The following MECOM variants were observed in gnomAD, a reference collection of about 807,000 sequenced individuals.
MECOM encodes the protein histone-lysine N-methyltransferase MECOM.
MECOM carries 13 observed loss-of-function variants against 116.3 expected under a neutral mutation model. That is an observed-to-expected ratio of 0.11 (90% CI 0.07 to 0.18). The LOEUF (loss-of-function observed/expected upper bound fraction) is 0.18. MECOM is among the 10% of genes least tolerant of loss of function. The pLI is 1.00. For missense variants in MECOM, 1,299 were observed against 1,509.0 expected, an observed-to-expected ratio of 0.86 and a Z score of 2.31; for synonymous variants, 528 against 535.2, an observed-to-expected ratio of 0.99 and a Z score of 0.19.
At chr3:169,652,865 A>T (rs972671547) in intron 1 of MECOM, among the ~76,000 whole-genome samples, 1 of 152,140 alleles carries the variant, frequency 6.6e-6, no homozygotes, top group Non-Finnish European at 1.5e-5. Context: ...TTTAGGTAAA[A>T]ACTTGGCTTC....
chr3:169,313,257 G>A lies in MECOM; in HGVS notation c.375+67930C>T, dbSNP rs144901473. ...ATGGCCCTAAAAAGAGAATCTCTTT[G>A]ATGATGTGAGATGAGGTTGGGAAAA... On this transcript the variant is annotated intron_variant, in intron 2 of 16. Coordinates refer to ENST00000651503, the MANE Select transcript of MECOM (RefSeq NM_004991.4). Among the ~76,000 whole-genome samples the A allele has an allele frequency of 1.0e-3, 154 of 152,302 alleles. 3 individuals carry two copies. In the East Asian group the frequency reaches 0.016, roughly 15 times the overall value.
At chr3:169,186,050 G>C (rs1465258948) in intron 2 of MECOM, among the ~76,000 whole-genome samples, 1 of 152,032 alleles carries the variant, frequency 6.6e-6, no homozygotes, top group Non-Finnish European at 1.5e-5. Context: ...GACTCCCTCT[G>C]GACTTGGTTG....
At chr3:169,584,348 G>A (rs1252698868) in intron 1 of MECOM, among the ~76,000 whole-genome samples, 14 of 151,620 alleles carry the variant, frequency 9.2e-5, no homozygotes, top group African/African-American at 3.1e-4. Context: ...GGCGGATCAC[G>A]AGGTCTGGAG....
chr3:169,519,087 T>G lies in MECOM; in HGVS notation c.38-137563A>C, dbSNP rs571413160. Among the ~76,000 whole-genome samples, 69 of 152,356 alleles carry G rather than the reference T, an allele frequency of 4.5e-4. 1 individual carries two copies. The highest frequency in any genetic ancestry group is 1.7e-3 in the African/African-American group (69 of 41,590). ...ACCAGAGTAACAATTACTTGACTTT[T>G]CTGTTTCCTTTCTACAACAAATTTT... is the stretch of plus-strand genomic sequence containing the variant. On this transcript the variant is annotated intron_variant, in intron 1 of 16. Coordinates refer to ENST00000651503, the MANE Select transcript of MECOM (RefSeq NM_004991.4).
chr3:169,122,763 A>G, intron 5 of MECOM, 36 bp from the exon 6 acceptor site: 1 of 1,605,738 alleles, frequency 6.2e-7, no homozygotes. Context: ...AAGACAAAGG[A>G]TGCATTCATA....
intron 1 of MECOM, among the ~76,000 whole-genome samples, chr3:169,392,157 G>A (rs1734310556): frequency 1.3e-5 from 2 of 152,134 alleles, no homozygotes; most frequent in Admixed American, 6.6e-5. Flanking sequence ...TTTGCAGTTA[G>A]CAGGATTTAA....
chr3:169,432,633 C>T (rs1741827213), intron 1 of MECOM, among the ~76,000 whole-genome samples: 2 of 152,112 alleles, frequency 1.3e-5, no homozygotes, highest in South Asian at 4.1e-4. Flanking sequence ...TTATTTCAAC[C>T]TCATAGAACA....
At chr3:169,391,123 T>C (rs1016145670) in intron 1 of MECOM, among the ~76,000 whole-genome samples, 4 of 152,174 alleles carry the variant, frequency 2.6e-5, no homozygotes, top group African/African-American at 4.8e-5. Context: ...GAGGGAGTTG[T>C]AGCAATGGCT....
chr3:169,497,653 C>G (rs941465502), intron 1 of MECOM, among the ~76,000 whole-genome samples: 6 of 152,170 alleles, frequency 3.9e-5, no homozygotes, highest in African/African-American at 1.2e-4. Flanking sequence ...ACACAGCTCC[C>G]GGCCAGTTTT....
At position 169,499,346 on chromosome 3, in the gene MECOM, CAAAAAAAA is replaced by C. The variant is rs60302997; in HGVS notation, c.38-117830_38-117823del. Among the ~76,000 whole-genome samples the C allele has an allele frequency of 2.8e-3, 145 of 51,574 alleles. 1 individual carries two copies. Among genetic ancestry groups the C allele is most frequent in the African/African-American group, 0.012 (135 of 11,674 alleles). The allele number at this position is 51,574 out of a possible 152,430, so 33.8% of individuals were successfully genotyped here. Reference sequence around the variant, plus strand: ...GCAGAGAGAAAAGACAGATTACCCACAAAAAAAAAAAAAAAAAAAAAAAAAAGAGTATA... The same window carrying C: ...GCAGAGAGAAAAGACAGATTACCCACAAAAAAAAAAAAAAAAAAGAGTATA... On this transcript the variant is annotated intron_variant, in intron 1 of 16. Coordinates refer to ENST00000651503, the MANE Select transcript of MECOM (RefSeq NM_004991.4).
chr3:169,289,613 G>A (rs1207590752), intron 2 of MECOM, among the ~76,000 whole-genome samples: 1 of 152,180 alleles, frequency 6.6e-6, no homozygotes, highest in Non-Finnish European at 1.5e-5. Flanking sequence ...CTGACAGGCT[G>A]TGCAACCCTC....
intron 2 of MECOM, among the ~76,000 whole-genome samples, chr3:169,298,539 A>C (rs1046596192): frequency 3.9e-5 from 6 of 152,012 alleles, no homozygotes; most frequent in African/African-American, 1.4e-4. Context: ...ATTAAATTAT[A>C]TTAGTATTTA....
chr3:169,312,348 A>T (rs1435872269), intron 2 of MECOM, among the ~76,000 whole-genome samples: 1 of 150,040 alleles, frequency 6.7e-6, no homozygotes, highest in Non-Finnish European at 1.5e-5. Flanking sequence ...GAATGAGAAG[A>T]GGCAAGAATG....
At chr3:169,618,108 G>A (rs1393809186) in intron 1 of MECOM, among the ~76,000 whole-genome samples, 2 of 152,074 alleles carry the variant, frequency 1.3e-5, no homozygotes, top group East Asian at 1.9e-4. Context: ...CACAACTTCA[G>A]ATCTATCATT....
At chr3:169,261,930 CAA>C (rs891965208) in intron 2 of MECOM, among the ~76,000 whole-genome samples, 2 of 152,178 alleles carry the variant, frequency 1.3e-5, no homozygotes, top group African/African-American at 4.8e-5. Context: ...TCTGTAGCTA[CAA>C]AGAGGCCATT....
chr3:169,100,039 C>CA (rs1450633507), intron 12 of MECOM, among the ~76,000 whole-genome samples: 2 of 150,374 alleles, frequency 1.3e-5, no homozygotes, highest in Admixed American at 6.6e-5. Context: ...TTCATATTTT[C>CA]TTCTCCCCTG....
intron 1 of MECOM, among the ~76,000 whole-genome samples, chr3:169,550,313 GT>G (rs2109298934): frequency 6.6e-6 from 1 of 152,294 alleles, no homozygotes; most frequent in South Asian, 2.1e-4. Flanking sequence ...CTCCTGAAAG[GT>G]TAAAGGCTCA....
rs1267279442 is a variant in MECOM, at chr3:169,120,189, T to A, written c.1132+867A>T. Among the ~76,000 whole-genome samples, 3 of 152,318 alleles carry A rather than the reference T, an allele frequency of 2.0e-5. No homozygotes were observed. The East Asian group carries it at 5.8e-4, about 29-fold the overall frequency. On this transcript the variant is annotated intron_variant, in intron 7 of 16. Coordinates refer to ENST00000651503, the MANE Select transcript of MECOM (RefSeq NM_004991.4). ...AACTCAATAAGTCATTGTATTTATATGCCCCGCCAAGCAATGGATTAAAAG... is the reference window on the plus strand; with the variant it reads ...AACTCAATAAGTCATTGTATTTATAAGCCCCGCCAAGCAATGGATTAAAAG...
intron 1 of MECOM, among the ~76,000 whole-genome samples, chr3:169,385,307 T>A (rs530430270): frequency 6.6e-6 from 1 of 152,222 alleles, no homozygotes; most frequent in South Asian, 2.1e-4. Flanking sequence ...AAAGCCTGAA[T>A]GCAATTCTGC....
Sources: gnomAD v4.1 joint callset for allele counts (sites outside exome capture counted in the v4.1 genomes callset) on GRCh38, gnomAD v4.1.1 for gene constraint, MANE v1.5 for transcripts, NCBI Gene and HGNC (gene_info 2026-07-23, HGNC 2026-07-21) for gene names.